MARVELD2: variants seen among roughly 807,000 people sequenced by gnomAD.
MARVELD2 encodes MARVEL domain-containing protein 2.
In MARVELD2, 49 loss-of-function variants were observed where a neutral mutation model predicts 57.6. The ratio of observed to expected loss-of-function variants is 0.85; its 90% CI spans 0.68 to 1.08. The LOEUF (loss-of-function observed/expected upper bound fraction) is 1.08. Ranked by LOEUF, MARVELD2 falls within the 50% of genes least tolerant of loss-of-function variation. The pLI, the probability that MARVELD2 is intolerant of heterozygous loss-of-function variation, is 0.00. For missense variants in MARVELD2, 606 were observed against 701.1 expected (o/e 0.86, Z 1.53); for synonymous variants, 238 against 258.8 (o/e 0.92, Z 0.77).
At chr5:69,415,693 G>A (rs1766385232) in intron 1 of MARVELD2, 1 of 152,230 alleles carries the variant, frequency 6.6e-6, no homozygotes, top group Non-Finnish European at 1.5e-5. Flanking sequence ...AAATCTACCC[G>A]TTTCTTGGGT....
chr5:69,415,873 GAC>G (rs1766395570), intron 1 of MARVELD2: 1 of 152,384 alleles, frequency 6.6e-6, no homozygotes, highest in Non-Finnish European at 1.5e-5. Flanking sequence ...GCAGGACAAA[GAC>G]ACACGCTGCC....
chr5:69,436,234 G>A (rs977896194), intron 5 of MARVELD2, among the ~76,000 whole-genome samples: 1 of 151,974 alleles, frequency 6.6e-6, no homozygotes, highest in Non-Finnish European at 1.5e-5. Flanking sequence ...GGTGGCACAT[G>A]CCTGCAGTCC....
At position 69,440,393 on chromosome 5, in the gene MARVELD2, A is replaced by G. The variant is rs1211403692; in HGVS notation, c.1504-57A>G. ...GTTCTAATTCTCAGTGTGCTTTGAG[A>G]TATGATTTGAGTAAATGCAAATGTT... is the stretch of plus-strand genomic sequence containing the variant. On this transcript the variant is annotated intron_variant, in intron 5 of 6. Coordinates refer to ENST00000325631, the MANE Select transcript of MARVELD2 (RefSeq NM_001038603.3). The G allele has an allele frequency of 3.5e-6, 3 of 862,666 alleles. No individual in the cohort carries two copies. In the Admixed American group the frequency reaches 5.9e-5, roughly 17 times the overall value. The allele number at this position is 862,666 out of a possible 1,614,324, so 53.4% of individuals were successfully genotyped here. A position where few individuals can be genotyped will look rare whatever the true frequency, so the allele number is the denominator to read the frequency against.
intron 5 of MARVELD2, among the ~76,000 whole-genome samples, chr5:69,438,031 G>A (rs1767210961): frequency 6.6e-6 from 1 of 152,170 alleles, no homozygotes; most frequent in African/African-American, 2.4e-5. Flanking sequence ...TTGGCCACAG[G>A]CTGAGCTTTG....
intron 3 of MARVELD2, 104 bp from the exon 4 acceptor site, chr5:69,432,423 G>A: frequency 7.7e-7 from 1 of 1,304,104 alleles, no homozygotes; most frequent in Non-Finnish European, 1.1e-6. Context: ...TTACAGGTTT[G>A]AGCCACCCCA....
rs1264949051 is a variant in MARVELD2, at chr5:69,424,538, G to A, written c.1147-63G>A. On this transcript the variant is annotated intron_variant, in intron 2 of 6. Transcript: ENST00000325631. ...GGTTGGGCTATAAATGCAAATGGAT[G>A]AAAATATTTGCAAAGTAGCTTCACA... is the stretch of plus-strand genomic sequence containing the variant. 13 of 1,388,670 alleles carry A rather than the reference G, an allele frequency of 9.4e-6. No homozygotes were observed. The East Asian group carries it at 3.0e-4, about 32-fold the overall frequency. The allele number at this position is 1,388,670 out of a possible 1,614,324, so 86.0% of individuals were successfully genotyped here.
intron 3 of MARVELD2, among the ~76,000 whole-genome samples, chr5:69,425,579 T>G (rs1165310668): frequency 6.6e-6 from 1 of 151,568 alleles, no homozygotes; most frequent in East Asian, 1.9e-4. Context: ...TGTTTGAAAT[T>G]TAATTATTTT....
chr5:69,420,728 C>A (rs1272188437), intron 2 of MARVELD2, among the ~76,000 whole-genome samples, 197 bp downstream of exon 2: 1 of 151,818 alleles, frequency 6.6e-6, no homozygotes, highest in Non-Finnish European at 1.5e-5. Flanking sequence ...TGGGATAACC[C>A]ACTCTGGTGT....
At chr5:69,417,247 A>G (rs1766458604) in intron 1 of MARVELD2, among the ~76,000 whole-genome samples, 1 of 152,190 alleles carries the variant, frequency 6.6e-6, no homozygotes, top group African/African-American at 2.4e-5. Flanking sequence ...TTAAGATGGT[A>G]ACATCCTGTC....
At chr5:69,439,516 G>A (rs1767263009) in intron 5 of MARVELD2, among the ~76,000 whole-genome samples, 2 of 151,918 alleles carry the variant, frequency 1.3e-5, no homozygotes, top group South Asian at 4.1e-4. Flanking sequence ...TACTTTGGGA[G>A]GCCAAGGTGG....
At chr5:69,437,381 T>TAAA (rs36086491) in intron 5 of MARVELD2, among the ~76,000 whole-genome samples, 8 of 100,104 alleles carry the variant, frequency 8.0e-5, no homozygotes, top group African/African-American at 3.2e-4. Flanking sequence ...AACTCTGTCT[T>TAAA]AAAAAAAAAA....
At chr5:69,437,312 C>T (rs1374652320) in intron 5 of MARVELD2, among the ~76,000 whole-genome samples, 3 of 144,642 alleles carry the variant, frequency 2.1e-5, no homozygotes, top group Non-Finnish European at 4.5e-5. Context: ...ACCCAGGAGG[C>T]GGAGGCTCTG....
intron 5 of MARVELD2, among the ~76,000 whole-genome samples, chr5:69,438,997 T>C (rs1051520330): frequency 6.7e-6 from 1 of 150,036 alleles, no homozygotes; most frequent in Admixed American, 6.7e-5. Context: ...GCCCAAGAAG[T>C]TTTGGTTACA....
intron 3 of MARVELD2, 81 bp from the exon 4 acceptor site, chr5:69,432,446 C>T: frequency 6.7e-7 from 1 of 1,486,646 alleles, no homozygotes; most frequent in Non-Finnish European, 9.3e-7. Flanking sequence ...TGATCTTCTT[C>T]CTCATTTTCT....
At chr5:69,422,236 A>C (rs1040402194) in intron 2 of MARVELD2, among the ~76,000 whole-genome samples, 28 of 152,242 alleles carry the variant, frequency 1.8e-4, no homozygotes, top group African/African-American at 6.5e-4. Flanking sequence ...AGCAATGTTC[A>C]GGGAACAAGG....
chr5:69,422,019 A>G (rs1365624714), intron 2 of MARVELD2, among the ~76,000 whole-genome samples: 2 of 152,092 alleles, frequency 1.3e-5, no homozygotes, highest in Admixed American at 6.6e-5. Flanking sequence ...TGAAGATTTC[A>G]TGGACACTTA....
intron 1 of MARVELD2, among the ~76,000 whole-genome samples, chr5:69,416,656 C>T (rs760618520): frequency 3.3e-5 from 5 of 152,132 alleles, no homozygotes; most frequent in South Asian, 2.1e-4. Flanking sequence ...GGCCATAAAT[C>T]GATAAGTGTA....
chr5:69,436,123 G>A, intron 5 of MARVELD2, among the ~76,000 whole-genome samples: 1 of 152,172 alleles, frequency 6.6e-6, no homozygotes, highest in South Asian at 2.1e-4. Flanking sequence ...AAATATTTGT[G>A]TAATATTCTG....
At chr5:69,416,674 G>T in intron 1 of MARVELD2, among the ~76,000 whole-genome samples, 1 of 152,192 alleles carries the variant, frequency 6.6e-6, no homozygotes, top group Non-Finnish European at 1.5e-5. Context: ...GTAGAAGCTG[G>T]ATGTGGGTAC....
Sources: gnomAD v4.1 joint callset for allele counts (sites outside exome capture counted in the v4.1 genomes callset) on GRCh38, gnomAD v4.1.1 for gene constraint, MANE v1.5 for transcripts, NCBI Gene and HGNC (gene_info 2026-07-23, HGNC 2026-07-21) for gene names.